The following MAPKAP1 variants were observed in gnomAD, a reference collection of about 807,000 sequenced individuals.
MAPKAP1 encodes target of rapamycin complex 2 subunit MAPKAP1.
A neutral mutation model predicts 65.7 loss-of-function variants in MAPKAP1; 20 were observed. That is an observed-to-expected ratio of 0.30 (90% CI 0.21 to 0.44). MAPKAP1 has a LOEUF of 0.44. Ranked by LOEUF, MAPKAP1 falls within the 20% of genes least tolerant of loss-of-function variation. The pLI is 1.00. For missense variants in MAPKAP1, 423 were observed against 648.0 expected (o/e 0.65, Z 3.77); for synonymous variants, 222 against 244.3 (o/e 0.91, Z 0.85).
chr9:125,507,746 C>A (rs1388740077), intron 7 of MAPKAP1, among the ~76,000 whole-genome samples: 2 of 152,146 alleles, frequency 1.3e-5, no homozygotes, highest in African/African-American at 4.8e-5. Context: ...AAAACATATA[C>A]AACTATTTAA....
At chr9:125,462,030 C>G (rs976371189) in intron 10 of MAPKAP1, among the ~76,000 whole-genome samples, 1 of 152,218 alleles carries the variant, frequency 6.6e-6, no homozygotes, top group Admixed American at 6.5e-5. Context: ...GAGAGCATCT[C>G]AAGAATATGA....
chr9:125,452,653 C>T (rs55649331), intron 10 of MAPKAP1, among the ~76,000 whole-genome samples: 9 of 152,012 alleles, frequency 5.9e-5, no homozygotes, highest in South Asian at 2.1e-4. Flanking sequence ...TGGTGGCTCA[C>T]GCCTGTAATC....
At chr9:125,540,573 T>C (rs1470047745) in intron 7 of MAPKAP1, among the ~76,000 whole-genome samples, 1 of 152,236 alleles carries the variant, frequency 6.6e-6, no homozygotes, top group East Asian at 1.9e-4. Context: ...TGCTGTTCTG[T>C]ACTCAATCAG....
chr9:125,614,016 TCTTGATCTC>T (rs1402664474), intron 4 of MAPKAP1, among the ~76,000 whole-genome samples: 1 of 152,074 alleles, frequency 6.6e-6, no homozygotes, highest in Non-Finnish European at 1.5e-5. Context: ...GCCAGGATGG[TCTTGATCTC>T]CTGACCTCGT....
chr9:125,532,519 A>G (rs1278946459), intron 7 of MAPKAP1, among the ~76,000 whole-genome samples: 1 of 152,254 alleles, frequency 6.6e-6, no homozygotes, highest in African/African-American at 2.4e-5. Context: ...CTCTGACTTC[A>G]GCTAATTAAA....
chr9:125,693,662 C>CGTATAT lies in MAPKAP1; in HGVS notation c.-70+13308_-70+13309insATATAC, dbSNP rs1157778497. On this transcript the variant is annotated intron_variant, in intron 1 of 11. Transcript: ENST00000265960. ...ACACACATATACACGTATACATACA[C>CGTATAT]ACACATATACACGTATATATACACG... 5.6e-5 allele frequency among the ~76,000 whole-genome samples: 8 copies of CGTATAT among 141,910 alleles called. 2 individuals are homozygous for CGTATAT. Among genetic ancestry groups the CGTATAT allele is most frequent in the African/African-American group, 2.1e-4 (8 of 37,470 alleles). The allele number at this position is 141,910 out of a possible 152,430, so 93.1% of individuals were successfully genotyped here.
intron 4 of MAPKAP1, among the ~76,000 whole-genome samples, chr9:125,633,552 G>A (rs768918438): frequency 6.6e-6 from 1 of 152,084 alleles, no homozygotes; most frequent in African/African-American, 2.4e-5. Context: ...CCACCACCAG[G>A]ATTATGTGTA....
intron 6 of MAPKAP1, among the ~76,000 whole-genome samples, chr9:125,544,027 CT>C (rs35231965): frequency 1.0e-4 from 15 of 150,458 alleles, no homozygotes; most frequent in South Asian, 6.4e-4. Context: ...CATACACACA[CT>C]TTTTTTTTTG....
At position 125,506,296 on chromosome 9, in the gene MAPKAP1, G is replaced by C; in HGVS notation, c.1066+14C>G. The C allele has an allele frequency of 1.2e-6, 2 of 1,608,202 alleles. No individual in the cohort carries two copies. The highest frequency in any genetic ancestry group is 1.7e-6 in the Non-Finnish European group (2 of 1,174,726). On this transcript the variant is annotated intron_variant, in intron 8 of 11. Coordinates refer to ENST00000265960, the MANE Select transcript of MAPKAP1 (RefSeq NM_001006617.3). ...AACGGACAAAGCGGGCATGGAGCGA[G>C]GCGGCCAACGTACTGTTCTCGCGGA...
At chr9:125,543,575 C>T (rs1286691138) in intron 6 of MAPKAP1, among the ~76,000 whole-genome samples, 2 of 151,964 alleles carry the variant, frequency 1.3e-5, no homozygotes, top group African/African-American at 4.8e-5. Flanking sequence ...CGCGCCCGGC[C>T]GTGTTTAAGC....
At chr9:125,469,414 A>G (rs117385454) in intron 9 of MAPKAP1, among the ~76,000 whole-genome samples, 7,800 of 152,316 alleles carry the variant, frequency 0.051, 284 homozygotes, top group Non-Finnish European at 0.074. Context: ...AAAATTAAAA[A>G]AACAAATACA....
intron 4 of MAPKAP1, among the ~76,000 whole-genome samples, chr9:125,649,782 G>A (rs1833839025): frequency 7.7e-6 from 1 of 130,306 alleles, no homozygotes; most frequent in South Asian, 2.4e-4. Flanking sequence ...GCCAATGGGT[G>A]ACAGAAACTC....
At chr9:125,619,161 C>T (rs1353679023) in intron 4 of MAPKAP1, among the ~76,000 whole-genome samples, 2 of 152,126 alleles carry the variant, frequency 1.3e-5, no homozygotes, top group Non-Finnish European at 2.9e-5. Flanking sequence ...AACTGTCTTA[C>T]TATCTTCTGC....
chr9:125,575,190 G>T (rs1307493617), intron 5 of MAPKAP1, among the ~76,000 whole-genome samples: 1 of 152,094 alleles, frequency 6.6e-6, no homozygotes, highest in Non-Finnish European at 1.5e-5. Context: ...AAAAATTTGT[G>T]CCACTACAAA....
chr9:125,452,970 AAAT>A (rs1390480645), intron 10 of MAPKAP1, among the ~76,000 whole-genome samples: 1 of 152,232 alleles, frequency 6.6e-6, no homozygotes, highest in Non-Finnish European at 1.5e-5. Flanking sequence ...TAACTCACTA[AAAT>A]AATACACCCA....
intron 5 of MAPKAP1, among the ~76,000 whole-genome samples, chr9:125,577,338 G>A (rs1488592446): frequency 6.6e-6 from 1 of 151,220 alleles, no homozygotes; most frequent in Admixed American, 6.6e-5. Context: ...ACCCCGTCTG[G>A]TAAGTGAGGA....
rs1037838424 is a variant in MAPKAP1 at position 125,439,935 on chromosome 9, G to C, written c.1444-923C>G. On this transcript the variant is annotated intron_variant, in intron 11 of 11. Transcript: ENST00000265960. This position sits in a 1 kb window ranked among gnomAD's most constrained non-coding sequence, Gnocchi z 4.0. ...AGGAGGGAAGGCTTCCAGAGGAAAA[G>C]AGTGAGCGGGCTTTTGAGGGATACA... Among the ~76,000 whole-genome samples, 1 of 152,274 alleles carries C rather than the reference G, an allele frequency of 6.6e-6. No homozygotes were observed. The highest frequency in any genetic ancestry group is 1.9e-4 in the East Asian group (1 of 5,198).
At chr9:125,614,410 G>A (rs894609830) in intron 4 of MAPKAP1, among the ~76,000 whole-genome samples, 17 of 152,130 alleles carry the variant, frequency 1.1e-4, no homozygotes. Flanking sequence ...GATCACCTGA[G>A]GTCAGGAGTT....
At chr9:125,651,015 G>A (rs1363598974) in intron 4 of MAPKAP1, among the ~76,000 whole-genome samples, 1 of 152,144 alleles carries the variant, frequency 6.6e-6, no homozygotes, top group Non-Finnish European at 1.5e-5. Context: ...CACCTAGGCT[G>A]GAGTGCAGTG....
Sources: allele counts gnomAD v4.1 joint callset (sites outside exome capture counted in the v4.1 genomes callset), GRCh38; gene constraint gnomAD v4.1.1; non-coding constraint Gnocchi (gnomAD v3.1); transcripts MANE v1.5; gene names NCBI Gene and HGNC (gene_info 2026-07-23, HGNC 2026-07-21).